Variants in UTP6 observed in about 807,000 individuals in gnomAD.
The protein encoded by UTP6 is U3 small nucleolar RNA-associated protein 6 homolog.
In UTP6, 60 loss-of-function variants were observed where a neutral mutation model predicts 96.5. The ratio of observed to expected loss-of-function variants is 0.62; its 90% CI spans 0.51 to 0.77. The LOEUF is 0.77. UTP6 is among the 30% of genes least tolerant of loss of function. UTP6 has a pLI of 0.00. For missense variants in UTP6, 637 were observed against 706.5 expected (o/e 0.90, Z 1.12); for synonymous variants, 215 against 240.1 (o/e 0.90, Z 0.96).
rs1567780112 is a variant in UTP6, at chr17:31,873,687, C to T, written c.1372G>A (p.Glu458Lys). The change falls in exon 15 of 19, where the codon GAG becomes AAG. Residue 458 changes from glutamate to lysine, a missense_variant. Coordinates refer to ENST00000261708, the MANE Select transcript of UTP6 (RefSeq NM_018428.3). ...GGAGCCTATACCTTAAAGACTGCCT[C>T]AGTGTCTTCTTGGCTTTTGGCACCT... Reference protein sequence around the residue: ...SEGAKSQEDTEAVFKKALLAV... With the variant: ...SEGAKSQEDTKAVFKKALLAV... 4 of 1,613,450 alleles carry T rather than the reference C, an allele frequency of 2.5e-6. No individual in the cohort carries two copies. The Admixed American group carries it at 5.0e-5, about 20-fold the overall frequency.
intron 10 of UTP6, among the ~76,000 whole-genome samples, chr17:31,882,543 T>C (rs996468253): frequency 6.7e-6 from 1 of 148,172 alleles, no homozygotes; most frequent in Non-Finnish European, 1.5e-5. Context: ...ATGATCTCAA[T>C]CTCTTGACCT....
chr17:31,866,059 C>T (rs142180027), intron 17 of UTP6, among the ~76,000 whole-genome samples: 13 of 152,120 alleles, frequency 8.5e-5, no homozygotes, highest in East Asian at 1.9e-4. Flanking sequence ...TTGCCGGGCA[C>T]GGTGGCTCAC....
intron 9 of UTP6, among the ~76,000 whole-genome samples, 165 bp downstream of exon 9, chr17:31,885,815 C>G (rs1007475876): frequency 6.6e-6 from 1 of 151,936 alleles, no homozygotes; most frequent in African/African-American, 2.4e-5. Flanking sequence ...CTGAAATGTT[C>G]AATTATAGCC....
intron 2 of UTP6, among the ~76,000 whole-genome samples, chr17:31,897,987 C>A (rs1904755924): frequency 6.6e-6 from 1 of 152,100 alleles, no homozygotes; most frequent in Non-Finnish European, 1.5e-5. Context: ...ATCACATTCA[C>A]TCTCCTCTAT....
intron 6 of UTP6, among the ~76,000 whole-genome samples, chr17:31,891,670 G>A (rs2142319010): frequency 6.6e-6 from 1 of 152,228 alleles, no homozygotes; most frequent in Admixed American, 6.5e-5. Context: ...AGATTTGACT[G>A]CCTCCAAATA....
Position 31,862,388 on chromosome 17 carries a change from G to A in UTP6, c.*971C>T, listed in dbSNP as rs1490480971. 1 of 152,038 alleles carries A rather than the reference G, an allele frequency of 6.6e-6. No individual in the cohort carries two copies. The highest frequency in any genetic ancestry group is 2.4e-5 in the African/African-American group (1 of 41,382). 9.4% of individuals were successfully genotyped at this position (152,038 alleles called of 1,614,324 possible). A position where few individuals can be genotyped will look rare whatever the true frequency, so the allele number is the denominator to read the frequency against. On this transcript the variant is annotated 3_prime_UTR_variant, in exon 19 of 19. Transcript: ENST00000261708. Reference sequence around the variant, plus strand: ...TTACGAATTCATTAAATGTTTTTAAGGCTATTTAATGACACAGAAAAACAA... The same window carrying A: ...TTACGAATTCATTAAATGTTTTTAAAGCTATTTAATGACACAGAAAAACAA...
chr17:31,897,078 G>A (rs1904695764), intron 2 of UTP6, among the ~76,000 whole-genome samples: 1 of 151,818 alleles, frequency 6.6e-6, no homozygotes, highest in Admixed American at 6.6e-5. Flanking sequence ...CTTGAGCCCA[G>A]GAGTTCAAGA....
In UTP6 at chr17:31,899,699, A is replaced by G. The variant is rs1904859345; in HGVS notation, c.124T>C (p.Tyr42His). The change falls in exon 2 of 19, where the codon TAC becomes CAC. Residue 42 changes from tyrosine to histidine, a missense_variant. Transcript: ENST00000261708. ...AAAAGGGTTCTTCTCTGGATTTTGTACTCTAGATCGGAAGCCTTCTTAATG... is the reference window on the plus strand; with the variant it reads ...AAAAGGGTTCTTCTCTGGATTTTGTGCTCTAGATCGGAAGCCTTCTTAATG... Reference protein sequence around the residue: ...AIIKKASDLEYKIQRRTLFKE... With the variant: ...AIIKKASDLEHKIQRRTLFKE... 1 of 1,603,378 alleles carries G rather than the reference A, an allele frequency of 6.2e-7. No individual in the cohort carries two copies. Among genetic ancestry groups the G allele is most frequent in the South Asian group, 1.1e-5 (1 of 88,968 alleles).
In UTP6 at chr17:31,886,051, T is replaced by G; in HGVS notation, c.632A>C (p.Asp211Ala). ...GCCCTTAAGGATTTCTTCAGAATAA[T>G]CAGGATTCTCCTAAAGAGTGTTATA... ...EKASMDVENPDYSEEILKGEL... is the reference protein window; with the variant it reads ...EKASMDVENPAYSEEILKGEL... Residue 211 changes from aspartate to alanine, a missense_variant, in exon 9 of 19, where the codon GAT becomes GCT. By Grantham distance (126) the Asp-to-Ala change is moderately radical. Coordinates refer to ENST00000261708, the MANE Select transcript of UTP6 (RefSeq NM_018428.3). 2.5e-6 allele frequency: 4 copies of G among 1,613,450 alleles called. No individual in the cohort carries two copies. The highest frequency in any genetic ancestry group is 3.4e-6 in the Non-Finnish European group (4 of 1,179,868).
intron 13 of UTP6, among the ~76,000 whole-genome samples, chr17:31,875,820 C>CAAAAAAAAAAA (rs1012799437): frequency 3.0e-5 from 2 of 65,814 alleles, no homozygotes; most frequent in Non-Finnish European, 6.1e-5. Context: ...AACTCTATCT[C>CAAAAAAAAAAA]AAAAAAAAAA....
intron 10 of UTP6, among the ~76,000 whole-genome samples, 160 bp downstream of exon 10, chr17:31,884,264 C>G (rs1211518413): frequency 1.3e-5 from 2 of 152,104 alleles, no homozygotes; most frequent in Non-Finnish European, 2.9e-5. Flanking sequence ...TCCCAAAGTG[C>G]TGGGATTACA....
intron 2 of UTP6, among the ~76,000 whole-genome samples, chr17:31,898,287 A>G (rs943021320): frequency 1.3e-5 from 2 of 152,252 alleles, no homozygotes; most frequent in Non-Finnish European, 2.9e-5. Flanking sequence ...CTGTAATTCC[A>G]GCACTTTGGG....
chr17:31,883,326 T>C (rs1430733548), intron 10 of UTP6, among the ~76,000 whole-genome samples: 2 of 151,778 alleles, frequency 1.3e-5, no homozygotes, highest in East Asian at 3.9e-4. Context: ...ATTTTTTTTT[T>C]TTTTTTGAGA....
chr17:31,876,991 G>A (rs1400275426), intron 13 of UTP6, among the ~76,000 whole-genome samples: 3 of 152,140 alleles, frequency 2.0e-5, no homozygotes, highest in Admixed American at 2.0e-4. Flanking sequence ...CAGGCTGGGT[G>A]ACAGAGCAAG....
intron 10 of UTP6, among the ~76,000 whole-genome samples, chr17:31,881,127 GATCGC>G (rs1395794240): frequency 1.3e-5 from 2 of 151,028 alleles, no homozygotes; most frequent in Non-Finnish European, 2.9e-5. Context: ...AGTGAGTCGA[GATCGC>G]ATCACTCCAG....
chr17:31,893,947 A>G (rs934061239), intron 4 of UTP6, among the ~76,000 whole-genome samples: 2 of 151,938 alleles, frequency 1.3e-5, no homozygotes, highest in Admixed American at 6.6e-5. Context: ...TAGCAATATA[A>G]AATTTGTCAT....
At position 31,863,303 on chromosome 17, in the gene UTP6, T is replaced by A; in HGVS notation, c.*56A>T. 1 of 1,586,896 alleles carries A rather than the reference T, an allele frequency of 6.3e-7. No individual in the cohort carries two copies. The highest frequency in any genetic ancestry group is 1.7e-5 in the Admixed American group (1 of 57,686). ...ATTACAGATGGACTCAATACAAATTTGCCCACGGGGCTTGCTTGCAATACT... is the reference window on the plus strand; with the variant it reads ...ATTACAGATGGACTCAATACAAATTAGCCCACGGGGCTTGCTTGCAATACT... On this transcript the variant is annotated 3_prime_UTR_variant, in exon 19 of 19. Transcript: ENST00000261708.
chr17:31,896,017 GAA>G (rs549601729), intron 2 of UTP6, among the ~76,000 whole-genome samples: 4,472 of 123,946 alleles, frequency 0.036, 78 homozygotes, highest in Middle Eastern at 0.056. Context: ...TCTCAAAAAA[GAA>G]AAAAAAAAAA....
chr17:31,887,155 CA>C, intron 8 of UTP6, 80 bp downstream of exon 8: 1 of 1,267,586 alleles, frequency 7.9e-7, no homozygotes, highest in Admixed American at 2.2e-5. Context: ...AAATATATTC[CA>C]AATATTTTCT....
Sources: allele counts gnomAD v4.1 joint callset (sites outside exome capture counted in the v4.1 genomes callset), GRCh38; gene constraint gnomAD v4.1.1; transcripts MANE v1.5; gene names NCBI Gene and HGNC (gene_info 2026-07-23, HGNC 2026-07-21).